MLLT10: variants seen among roughly 807,000 people sequenced by gnomAD.
MLLT10 encodes the protein protein AF-10.
Under a neutral mutation model 129.1 loss-of-function variants are expected in MLLT10, and 30 were observed. The ratio of observed to expected loss-of-function variants is 0.23; its 90% CI spans 0.17 to 0.32. MLLT10 has a LOEUF of 0.32. MLLT10 is among the 10% of genes least tolerant of loss of function. The probability of loss-of-function intolerance (pLI) is 1.00; values close to 1 mark genes in which losing one functional copy is unlikely to be tolerated. For synonymous variants in MLLT10, 490 were observed against 446.4 expected (o/e 1.10, Z -1.23); for missense variants, 1,119 against 1,268.3 (o/e 0.88, Z 1.79).
intron 5 of MLLT10, among the ~76,000 whole-genome samples, chr10:21,609,199 T>C (rs904067144): frequency 6.6e-6 from 1 of 152,200 alleles, no homozygotes; most frequent in Non-Finnish European, 1.5e-5. Flanking sequence ...AAACCACTTA[T>C]TGTCCTTAAC....
chr10:21,708,237 C>T (rs961731258), intron 13 of MLLT10, among the ~76,000 whole-genome samples: 8 of 152,132 alleles, frequency 5.3e-5, no homozygotes, highest in Non-Finnish European at 1.2e-4. Flanking sequence ...CCCTCTGTAC[C>T]GTTCTGCAGC....
chr10:21,622,153 C>CTTTTT (rs71393915), intron 8 of MLLT10, among the ~76,000 whole-genome samples: 11 of 99,788 alleles, frequency 1.1e-4, no homozygotes, highest in East Asian at 7.6e-4. Context: ...TTTGTTTTTC[C>CTTTTT]TTTTTTTTTT....
intron 9 of MLLT10, among the ~76,000 whole-genome samples, chr10:21,667,225 A>G (rs1256666006): frequency 6.6e-6 from 1 of 152,088 alleles, no homozygotes; most frequent in African/African-American, 2.4e-5. Context: ...CTTAAAAAGA[A>G]AAAAGAAAAG....
intron 5 of MLLT10, among the ~76,000 whole-genome samples, chr10:21,606,482 C>T (rs1199590036): frequency 6.6e-6 from 1 of 152,116 alleles, no homozygotes; most frequent in Non-Finnish European, 1.5e-5. Flanking sequence ...GAGAATTCAC[C>T]ATTCTGGGTA....
chr10:21,558,491 C>T (rs1159225416), intron 3 of MLLT10, among the ~76,000 whole-genome samples: 2 of 151,494 alleles, frequency 1.3e-5, no homozygotes, highest in Non-Finnish European at 2.9e-5. Flanking sequence ...TGATCATGGG[C>T]TTTGGAGTCA....
intron 13 of MLLT10, among the ~76,000 whole-genome samples, chr10:21,683,731 A>T (rs1250492379): frequency 4.7e-5 from 7 of 150,480 alleles, no homozygotes; most frequent in African/African-American, 1.5e-4. Context: ...TTCTTTCGAA[A>T]TTTTTTGTGT....
chr10:21,670,858 G>A, intron 10 of MLLT10, 154 bp downstream of exon 10: 2 of 820,912 alleles, frequency 2.4e-6, no homozygotes, highest in Non-Finnish European at 3.4e-6. Flanking sequence ...TTTAAAGATA[G>A]TGTTTCCTAT....
At chr10:21,650,750 A>G (rs2048940788) in intron 8 of MLLT10, among the ~76,000 whole-genome samples, 2 of 152,182 alleles carry the variant, frequency 1.3e-5, no homozygotes, top group Non-Finnish European at 2.9e-5. Context: ...GACTTCCAAT[A>G]TGTAATTAAT....
At chr10:21,737,682 T>A (rs2058486015) in intron 21 of MLLT10, among the ~76,000 whole-genome samples, 1 of 152,068 alleles carries the variant, frequency 6.6e-6, no homozygotes, top group South Asian at 2.1e-4. Flanking sequence ...GGAGAAAGTA[T>A]GGACCGAGAC....
intron 3 of MLLT10, among the ~76,000 whole-genome samples, chr10:21,568,276 C>T (rs1469768642): frequency 2.0e-5 from 3 of 152,172 alleles, no homozygotes; most frequent in Non-Finnish European, 2.9e-5. Context: ...AGCTAATTTG[C>T]CTTCTCTCCA....
In MLLT10 at chr10:21,733,100, A is replaced by ATATT; in HGVS notation, c.2407+19_2407+22dup. 6.3e-7 allele frequency: 1 copy of ATATT among 1,579,068 alleles called. No homozygotes were observed. The highest frequency in any genetic ancestry group is 8.6e-7 in the Non-Finnish European group (1 of 1,163,304). ...TCAGCACAGACTGGTAAGTGTGAAA[A>ATATT]TATTTATTTTGTATCTAAGGAAAAT... is the stretch of plus-strand genomic sequence containing the variant. On this transcript the variant is annotated intron_variant, in intron 18 of 22. Coordinates refer to ENST00000307729, the MANE Select transcript of MLLT10 (RefSeq NM_001195626.3).
At chr10:21,590,873 T>G (rs1227899382) in intron 4 of MLLT10, among the ~76,000 whole-genome samples, 1 of 152,204 alleles carries the variant, frequency 6.6e-6, no homozygotes, top group Non-Finnish European at 1.5e-5. Flanking sequence ...ACTTCTGCTC[T>G]TTATTATTTC....
At chr10:21,594,483 G>A (rs1183800203) in intron 4 of MLLT10, among the ~76,000 whole-genome samples, 8 of 151,224 alleles carry the variant, frequency 5.3e-5, no homozygotes, top group African/African-American at 1.9e-4. Context: ...AACCCAGGAG[G>A]CGGAGGTCGC....
At chr10:21,688,150 C>T (rs1433359666) in intron 13 of MLLT10, among the ~76,000 whole-genome samples, 1 of 151,496 alleles carries the variant, frequency 6.6e-6, no homozygotes, top group Admixed American at 6.6e-5. Flanking sequence ...TTCCAGTATC[C>T]ATGTTAACTT....
At chr10:21,712,093 C>G (rs79408997) in intron 13 of MLLT10, among the ~76,000 whole-genome samples, 1 of 151,990 alleles carries the variant, frequency 6.6e-6, no homozygotes, top group African/African-American at 2.4e-5. Flanking sequence ...AAAAAAGATC[C>G]CGACGCCTTA....
At chr10:21,679,520 G>A (rs1237877404) in intron 11 of MLLT10, among the ~76,000 whole-genome samples, 1 of 152,142 alleles carries the variant, frequency 6.6e-6, no homozygotes, top group Non-Finnish European at 1.5e-5. Context: ...TTTTTTGTGT[G>A]TGAAAAATCA....
intron 3 of MLLT10, among the ~76,000 whole-genome samples, chr10:21,580,737 T>C (rs1445293288): frequency 1.3e-5 from 2 of 151,892 alleles, no homozygotes; most frequent in African/African-American, 4.8e-5. Flanking sequence ...AGTCTTGCAC[T>C]GTCGCCTGGG....
intron 3 of MLLT10, among the ~76,000 whole-genome samples, chr10:21,561,269 C>T (rs574915274): frequency 7.9e-5 from 12 of 152,114 alleles, no homozygotes; most frequent in Middle Eastern, 3.4e-3. Flanking sequence ...TTATTTGAGA[C>T]GGAGCCTTGC....
chr10:21,648,481 G>T (rs1403599573), intron 8 of MLLT10, among the ~76,000 whole-genome samples: 1 of 152,180 alleles, frequency 6.6e-6, no homozygotes, highest in East Asian at 1.9e-4. Context: ...TGTTATTCAG[G>T]ATCATTCACC....
Sources: allele counts gnomAD v4.1 joint callset (sites outside exome capture counted in the v4.1 genomes callset), GRCh38; gene constraint gnomAD v4.1.1; transcripts MANE v1.5; gene names NCBI Gene and HGNC (gene_info 2026-07-23, HGNC 2026-07-21).